ANO5: variants seen among roughly 807,000 people sequenced by gnomAD.
ANO5 encodes anoctamin 5.
Under a neutral mutation model 121.0 loss-of-function variants are expected in ANO5, and 109 were observed. The ratio of observed to expected loss-of-function variants is 0.90; its 90% CI spans 0.77 to 1.06. The LOEUF (loss-of-function observed/expected upper bound fraction) is 1.06. Among genes scored for constraint, ANO5 ranks in the 50% least tolerant of loss-of-function variants. The pLI, the probability that ANO5 is intolerant of heterozygous loss-of-function variation, is 0.00. For missense variants in ANO5, 1,064 were observed against 1,078.5 expected, an observed-to-expected ratio of 0.99 and a Z score of 0.19; for synonymous variants, 406 against 359.9, an observed-to-expected ratio of 1.13 and a Z score of -1.45.
At chr11:22,224,291 C>T (rs560495378) in intron 5 of ANO5, among the ~76,000 whole-genome samples, 100 of 152,020 alleles carry the variant, frequency 6.6e-4, no homozygotes, top group Admixed American at 1.4e-3. Context: ...ATTCATTTTT[C>T]CAGTCCACAT....
At position 22,255,500 on chromosome 11, in the gene ANO5, G is replaced by A; in HGVS notation, c.1310G>A (p.Arg437Lys). Residue 437 changes from arginine (R) to lysine (K), a missense_variant, in exon 13 of 22, where the codon AGG becomes AAG. Transcript: ENST00000324559. ...GAATTTGAAGCTATGTGTAAACACA[G>A]GAAATTGAATGCAGTGACTAAGGTA... is the stretch of plus-strand genomic sequence containing the variant. ...RPEFEAMCKH[R>K]KLNAVTKEME... 6.2e-7 allele frequency: 1 copy of A among 1,613,376 alleles called. No individual in the cohort carries two copies.
chr11:22,262,935 C>T lies in ANO5; in HGVS notation c.1801-11C>T. On this transcript the variant is annotated splice_polypyrimidine_tract_variant and intron_variant, in intron 16 of 21. Coordinates refer to ENST00000324559, the MANE Select transcript of ANO5 (RefSeq NM_213599.3). ...TTCAATTCTGTTTTCTCCCCTCTTG[C>T]TTCTGACTAGTGTGATCCTGGAGGC... The T allele has an allele frequency of 6.3e-7, 1 of 1,598,912 alleles. No homozygotes were observed. The highest frequency in any genetic ancestry group is 8.6e-7 in the Non-Finnish European group (1 of 1,166,492).
rs1268491080 is a variant in ANO5, at chr11:22,226,038, A to G, written c.349A>G (p.Ile117Val). 6.2e-7 allele frequency: 1 copy of G among 1,607,406 alleles called. No homozygotes were observed. The highest frequency in any genetic ancestry group is 8.5e-7 in the Non-Finnish European group (1 of 1,174,418). ...NLRKTGLELE[I>V]EDKRDSEDGR... Reference sequence around the variant, plus strand: ...CAGAAAAACAGGTCTTGAGTTGGAAATAGAAGACAAAAGGGTAAATGTAGT... The same window carrying G: ...CAGAAAAACAGGTCTTGAGTTGGAAGTAGAAGACAAAAGGGTAAATGTAGT... The change falls in exon 6 of 22, where the codon ATA (isoleucine) becomes GTA (valine). Residue 117 changes from isoleucine (I) to valine (V), a missense_variant. By Grantham distance (29) the Ile-to-Val change is conservative (BLOSUM62 3). Coordinates refer to ENST00000324559, the MANE Select transcript of ANO5 (RefSeq NM_213599.3).
intron 5 of ANO5, among the ~76,000 whole-genome samples, chr11:22,225,277 T>C (rs1197180184): frequency 6.6e-6 from 1 of 151,910 alleles, no homozygotes; most frequent in Non-Finnish European, 1.5e-5. Flanking sequence ...GGGCAGATAA[T>C]GAGACACAGT....
At chr11:22,215,529 T>C (rs1280061582) in intron 3 of ANO5, among the ~76,000 whole-genome samples, 1 of 151,986 alleles carries the variant, frequency 6.6e-6, no homozygotes, top group Non-Finnish European at 1.5e-5. Flanking sequence ...TCTCAGCATA[T>C]GCATATGGAT....
intron 9 of ANO5, 22 bp downstream of exon 9, chr11:22,239,706 A>G: frequency 6.5e-7 from 1 of 1,528,678 alleles, no homozygotes; most frequent in East Asian, 2.3e-5. Context: ...ACACAGGATC[A>G]GACCAATTAA....
intron 9 of ANO5, among the ~76,000 whole-genome samples, chr11:22,243,605 A>G (rs891231272): frequency 6.6e-6 from 1 of 151,842 alleles, no homozygotes; most frequent in East Asian, 1.9e-4. Context: ...AAAACTTATA[A>G]TGGTCTGTTT....
intron 20 of ANO5, among the ~76,000 whole-genome samples, chr11:22,275,731 A>C (rs1489722828): frequency 3.3e-5 from 5 of 151,916 alleles, no homozygotes; most frequent in Non-Finnish European, 1.5e-5. Flanking sequence ...CAAAGGATTA[A>C]AATATACCTG....
At chr11:22,245,869 GC>G (rs1853598575) in intron 9 of ANO5, among the ~76,000 whole-genome samples, 1 of 152,026 alleles carries the variant, frequency 6.6e-6, no homozygotes, top group South Asian at 2.1e-4. Flanking sequence ...TCTACTTGTG[GC>G]ATCATGTCGG....
chr11:22,255,404 A>G lies in ANO5; in HGVS notation c.1214A>G (p.Gln405Arg), dbSNP rs918732999. The change falls in exon 13 of 22, where the codon CAA becomes CGA. Residue 405 changes from glutamine to arginine, a missense_variant. By Grantham distance (43) the Gln-to-Arg change is conservative (BLOSUM62 1). Transcript: ENST00000324559. ...TTTTTGGAGTTTTGGAAACAACGAC[A>G]AGCCAGACTGGAATATGAATGGGAC... Reference protein sequence around the residue: ...TLFLEFWKQRQARLEYEWDLV... With the variant: ...TLFLEFWKQRRARLEYEWDLV... The G allele has an allele frequency of 1.1e-5, 17 of 1,611,682 alleles. No individual in the cohort carries two copies. The highest frequency in any genetic ancestry group is 2.2e-5 in the East Asian group (1 of 44,856).
At chr11:22,240,781 T>G (rs961589316) in intron 9 of ANO5, among the ~76,000 whole-genome samples, 5 of 146,486 alleles carry the variant, frequency 3.4e-5, no homozygotes, top group African/African-American at 4.9e-5. Flanking sequence ...AGTCCTATTT[T>G]TGTGTTCCTG....
At position 22,262,309 on chromosome 11, in the gene ANO5, C is replaced by T. The variant is rs1428789082; in HGVS notation, c.1800+11C>T. The stretch of plus-strand genomic sequence containing the variant: ...TGGAGAAGTGAAGAGGTAAGAATTT[C>T]CTTGAGAGTTGAGGTGTGTAGCTTC... On this transcript the variant is annotated intron_variant, in intron 16 of 21. Transcript: ENST00000324559. 1.9e-6 allele frequency: 3 copies of T among 1,612,654 alleles called. No individual in the cohort carries two copies. The highest frequency in any genetic ancestry group is 2.5e-6 in the Non-Finnish European group (3 of 1,179,420).
intron 4 of ANO5, among the ~76,000 whole-genome samples, chr11:22,220,384 T>C (rs1852601492): frequency 6.6e-6 from 1 of 152,012 alleles, no homozygotes; most frequent in Non-Finnish European, 1.5e-5. Context: ...CTCTCATGTT[T>C]TTGCTGTTTT....
chr11:22,230,621 A>G (rs1853008277), intron 7 of ANO5, among the ~76,000 whole-genome samples: 1 of 152,028 alleles, frequency 6.6e-6, no homozygotes, highest in Admixed American at 6.6e-5. Flanking sequence ...GAAAGCACTC[A>G]TGTTCCACAT....
chr11:22,235,932 G>T (rs542433349), intron 7 of ANO5, among the ~76,000 whole-genome samples: 1 of 152,184 alleles, frequency 6.6e-6, no homozygotes, highest in East Asian at 1.9e-4. Context: ...ATTATGGTCT[G>T]TTCACCCCTG....
At chr11:22,240,216 C>T (rs1353149940) in intron 9 of ANO5, among the ~76,000 whole-genome samples, 2 of 151,866 alleles carry the variant, frequency 1.3e-5, no homozygotes, top group African/African-American at 4.8e-5. Flanking sequence ...GACATTTGTT[C>T]TATGACCTCA....
At chr11:22,274,548 C>CTTTTTTTTTTTTTTTTTTTTTT (rs72105710) in intron 19 of ANO5, 21 bp from the exon 20 acceptor site, 2 of 1,266,740 alleles carry the variant, frequency 1.6e-6, no homozygotes, top group Non-Finnish European at 2.1e-6. Context: ...TGATCTTCCT[C>CTTTTTTTTTTTTTTTTTTTTTT]TTTTTTTTTT....
chr11:22,200,106 C>T (rs553132758), intron 1 of ANO5, among the ~76,000 whole-genome samples: 1 of 152,070 alleles, frequency 6.6e-6, no homozygotes, highest in African/African-American at 2.4e-5. Flanking sequence ...AATACCAAAA[C>T]GTAATGCTAA....
In ANO5 at chr11:22,265,887, G is replaced by A. The variant is rs762941744; in HGVS notation, c.1898+2844G>A. 2.4e-4 allele frequency among the ~76,000 whole-genome samples: 36 copies of A among 152,250 alleles called. No individual in the cohort carries two copies. In the Middle Eastern group the frequency reaches 0.01, roughly 43 times the overall value. ...ACAATGTAGGATTGGTGAAGGGATA[G>A]TTATATAAACTAATGGAATGGAGTA... On this transcript the variant is annotated intron_variant, in intron 17 of 21. Transcript: ENST00000324559.
Sources: allele counts gnomAD v4.1 joint callset (sites outside exome capture counted in the v4.1 genomes callset), GRCh38; gene constraint gnomAD v4.1.1; transcripts MANE v1.5; gene names NCBI Gene and HGNC (gene_info 2026-07-23, HGNC 2026-07-21).